ESRRB: variants seen among roughly 807,000 people sequenced by gnomAD.
ESRRB encodes estrogen related receptor beta.
Under a neutral mutation model 46.0 loss-of-function variants are expected in ESRRB, and 16 were observed. That is an observed-to-expected ratio of 0.35 (90% CI 0.24 to 0.53). The LOEUF (loss-of-function observed/expected upper bound fraction) is 0.53. Among genes scored for constraint, ESRRB ranks in the 20% least tolerant of loss-of-function variants. The pLI, the probability that ESRRB is intolerant of heterozygous loss-of-function variation, is 0.93. For synonymous variants in ESRRB, 246 were observed against 259.6 expected, an observed-to-expected ratio of 0.95 and a Z score of 0.50; for missense variants, 488 against 607.4, an observed-to-expected ratio of 0.80 and a Z score of 2.07.
rs778699630 is a variant in ESRRB, at chr14:76,498,308, G to A, written c.1215G>A (p.Glu405=). Residue 405 remains glutamate (E), a synonymous_variant, in exon 7 of 7, where the codon GAG becomes GAA. Transcript: ENST00000644823. ...LQDYELSQRH[E]EPWRTGKLLL... ...ACTACGAGCTGAGCCAGCGCCATGAGGAGCCCTGGAGGACGGGCAAGCTGC... is the reference window on the plus strand; with the variant it reads ...ACTACGAGCTGAGCCAGCGCCATGAAGAGCCCTGGAGGACGGGCAAGCTGC... 34 of 1,613,542 alleles carry A rather than the reference G, an allele frequency of 2.1e-5. No individual in the cohort carries two copies. Among genetic ancestry groups the A allele is most frequent in the Non-Finnish European group, 2.9e-5 (34 of 1,179,914 alleles).
At chr14:76,465,294 G>A (rs570386353) in intron 3 of ESRRB, among the ~76,000 whole-genome samples, 3 of 152,248 alleles carry the variant, frequency 2.0e-5, no homozygotes, top group Non-Finnish European at 2.9e-5. Context: ...GGGGGAGGTC[G>A]AGAGGGAACC....
At chr14:76,476,078 T>A (rs888195763) in intron 3 of ESRRB, among the ~76,000 whole-genome samples, 1 of 151,988 alleles carries the variant, frequency 6.6e-6, no homozygotes, top group African/African-American at 2.4e-5. Context: ...GGTTTTTTTT[T>A]TTATTAATTT....
intron 1 of ESRRB, among the ~76,000 whole-genome samples, chr14:76,362,624 A>G (rs1884477443): frequency 6.6e-6 from 1 of 152,166 alleles, no homozygotes; most frequent in Non-Finnish European, 1.5e-5. Flanking sequence ...TATTCTAGGC[A>G]TGGGTCTGAT....
chr14:76,353,003 C>T (rs1884333015), intron 1 of ESRRB, among the ~76,000 whole-genome samples: 1 of 151,146 alleles, frequency 6.6e-6, no homozygotes, highest in South Asian at 2.1e-4. Context: ...CGCGCAGGGT[C>T]GCCGGGTAGG....
At chr14:76,357,657 C>G (rs114580362) in intron 1 of ESRRB, among the ~76,000 whole-genome samples, 1 of 152,246 alleles carries the variant, frequency 6.6e-6, no homozygotes, top group East Asian at 1.9e-4. Flanking sequence ...GGTACTATGG[C>G]ATGCACCACC....
chr14:76,423,142 C>CTTTTTT (rs397853103), intron 1 of ESRRB, among the ~76,000 whole-genome samples: 1 of 112,796 alleles, frequency 8.9e-6, no homozygotes, highest in African/African-American at 3.4e-5. Context: ...CTTTCATAAC[C>CTTTTTT]TTTTTTTTTT....
chr14:76,330,918 T>C (rs964598712), intron 1 of ESRRB, among the ~76,000 whole-genome samples: 3 of 152,096 alleles, frequency 2.0e-5, no homozygotes, highest in African/African-American at 7.2e-5. Context: ...TCATCTCTTG[T>C]ACCCCCAAAT....
chr14:76,492,348 A>G (rs950604277), intron 6 of ESRRB, among the ~76,000 whole-genome samples: 2 of 151,998 alleles, frequency 1.3e-5, no homozygotes, highest in Non-Finnish European at 2.9e-5. Flanking sequence ...TCTATTTTTT[A>G]TGGAGATAGG....
Position 76,501,041 on chromosome 14 carries a change from G to C in ESRRB, c.*2583G>C. 2.2e-6 allele frequency: 1 copy of C among 446,650 alleles called. No individual in the cohort carries two copies. Among genetic ancestry groups the C allele is most frequent in the Non-Finnish European group, 4.1e-6 (1 of 244,378 alleles). 27.7% of individuals were successfully genotyped at this position (446,650 alleles called of 1,614,324 possible). A position where few individuals can be genotyped will look rare whatever the true frequency, so the allele number is the denominator to read the frequency against. On this transcript the variant is annotated 3_prime_UTR_variant, in exon 7 of 7. Coordinates refer to ENST00000644823, the MANE Select transcript of ESRRB (RefSeq NM_001379180.1). The stretch of plus-strand genomic sequence containing the variant: ...AGATGAGGACCCTCTCCGGGGAAGG[G>C]AGAGGACTGACTTAGTGGAAGGTGG...
intron 1 of ESRRB, among the ~76,000 whole-genome samples, chr14:76,332,524 AAAT>A (rs55855333): frequency 0.13 from 11,893 of 89,452 alleles, 1,235 homozygotes; most frequent in African/African-American, 0.18. Flanking sequence ...TATAATATAT[AAAT>A]ATATACAATA....
Position 76,499,822 on chromosome 14 carries a change from T to G in ESRRB, c.*1364T>G. On this transcript the variant is annotated 3_prime_UTR_variant, in exon 7 of 7. Coordinates refer to ENST00000644823, the MANE Select transcript of ESRRB (RefSeq NM_001379180.1). Reference sequence around the variant, plus strand: ...TGTGGATGGCCGTGAAAGTTTTCACTAACTCAAGGGGCAGCCCTGAACACC... The same window carrying G: ...TGTGGATGGCCGTGAAAGTTTTCACGAACTCAAGGGGCAGCCCTGAACACC... The G allele has an allele frequency of 6.4e-7, 1 of 1,562,960 alleles. No individual in the cohort carries two copies. The highest frequency in any genetic ancestry group is 8.8e-7 in the Non-Finnish European group (1 of 1,133,398).
intron 1 of ESRRB, among the ~76,000 whole-genome samples, chr14:76,379,231 T>C (rs956827956): frequency 2.6e-5 from 4 of 152,116 alleles, no homozygotes; most frequent in African/African-American, 9.7e-5. Context: ...TTTATGTACA[T>C]ATATAATCAC....
At chr14:76,463,683 G>A (rs930507853) in intron 3 of ESRRB, among the ~76,000 whole-genome samples, 2 of 151,812 alleles carry the variant, frequency 1.3e-5, no homozygotes, top group Admixed American at 6.6e-5. Context: ...TCCTGACCTC[G>A]TGATCTGCCC....
At chr14:76,339,731 A>G (rs1884169331) in intron 1 of ESRRB, among the ~76,000 whole-genome samples, 2 of 152,136 alleles carry the variant, frequency 1.3e-5, no homozygotes, top group African/African-American at 2.4e-5. Context: ...GCAGCCCCCC[A>G]CACTCACAAG....
intron 1 of ESRRB, among the ~76,000 whole-genome samples, chr14:76,417,142 C>CA (rs369795725): frequency 2.0e-5 from 3 of 151,686 alleles, no homozygotes; most frequent in Non-Finnish European, 2.9e-5. Flanking sequence ...ATCTCAAAAA[C>CA]AAAAAAAGAA....
intron 1 of ESRRB, among the ~76,000 whole-genome samples, chr14:76,381,925 C>T (rs1486718000): frequency 6.6e-6 from 1 of 152,156 alleles, no homozygotes; most frequent in African/African-American, 2.4e-5. Flanking sequence ...CTTTTCCCTC[C>T]CTCCTATGAG....
At chr14:76,401,828 GTA>G in intron 1 of ESRRB, among the ~76,000 whole-genome samples, 1 of 151,544 alleles carries the variant, frequency 6.6e-6, no homozygotes, top group Non-Finnish European at 1.5e-5. Flanking sequence ...GACTGTGTGT[GTA>G]TATATCCTTT....
chr14:76,426,668 C>A (rs770225368), intron 1 of ESRRB, among the ~76,000 whole-genome samples: 12 of 152,064 alleles, frequency 7.9e-5, no homozygotes, highest in Non-Finnish European at 1.5e-4. Context: ...GGACAGGGAC[C>A]CATTCACCTT....
At chr14:76,350,450 G>C (rs2139760364) in intron 1 of ESRRB, among the ~76,000 whole-genome samples, 1 of 152,284 alleles carries the variant, frequency 6.6e-6, no homozygotes, top group African/African-American at 2.4e-5. Flanking sequence ...GAAGGGGTTT[G>C]AGAAACACTT....
Sources: allele counts gnomAD v4.1 joint callset (sites outside exome capture counted in the v4.1 genomes callset), GRCh38; gene constraint gnomAD v4.1.1; transcripts MANE v1.5; gene names NCBI Gene and HGNC (gene_info 2026-07-23, HGNC 2026-07-21).